The following IMMP2L variants were observed in gnomAD, a reference collection of about 807,000 sequenced individuals.
The protein encoded by IMMP2L is mitochondrial inner membrane protease subunit 2.
A neutral mutation model predicts 19.3 loss-of-function variants in IMMP2L; 18 were observed. That is an observed-to-expected ratio of 0.93 (90% CI 0.64 to 1.38). The LOEUF (loss-of-function observed/expected upper bound fraction) is 1.38. IMMP2L is among the 40% of genes most tolerant of loss of function. The pLI is 0.00. For missense variants in IMMP2L, 233 were observed against 218.2 expected, an observed-to-expected ratio of 1.07 and a Z score of -0.43; for synonymous variants, 76 against 73.0, an observed-to-expected ratio of 1.04 and a Z score of -0.21.
chr7:110,964,322 A>T (rs1362686021), intron 3 of IMMP2L, among the ~76,000 whole-genome samples: 4 of 152,208 alleles, frequency 2.6e-5, no homozygotes, highest in East Asian at 3.9e-4. Context: ...TCAGTTTTTT[A>T]AAATTTCATT....
At position 111,281,198 on chromosome 7, in the gene IMMP2L, GAA is replaced by G. The variant is rs1292083917; in HGVS notation, c.239+206038_239+206039del. Reference sequence around the variant, plus strand: ...AGAAAGAAAGAAAGAAAGAAAGAAAGAAAGAAAGAAAGAAAGAAAAAGAAAGA... The same window carrying G: ...AGAAAGAAAGAAAGAAAGAAAGAAAGAGAAAGAAAGAAAGAAAAAGAAAGA... On this transcript the variant is annotated intron_variant, in intron 3 of 5. Transcript: ENST00000405709. Among the ~76,000 whole-genome samples the G allele has an allele frequency of 2.7e-3, 125 of 45,798 alleles. 1 individual carries two copies. Among genetic ancestry groups the G allele is most frequent in the African/African-American group, 8.3e-3 (105 of 12,690 alleles). 30.0% of individuals were successfully genotyped at this position (45,798 alleles called of 152,430 possible). A position where few individuals can be genotyped will look rare whatever the true frequency, so the allele number is the denominator to read the frequency against.
chr7:111,023,655 C>T (rs1337809441), intron 3 of IMMP2L, among the ~76,000 whole-genome samples: 3 of 152,020 alleles, frequency 2.0e-5, no homozygotes, highest in East Asian at 1.9e-4. Flanking sequence ...TGCAGTGAGC[C>T]GAGATCATGC....
chr7:111,342,569 C>T lies in IMMP2L; in HGVS notation c.239+144669G>A, dbSNP rs1044534124. 6.6e-5 allele frequency among the ~76,000 whole-genome samples: 10 copies of T among 151,694 alleles called. 1 individual carries two copies. The highest frequency in any genetic ancestry group is 2.1e-4 in the South Asian group (1 of 4,822). ...ATCTCAACACTGCACTCCAGTCTGG[C>T]GACAGAGTGAGACTCCATCTCAAAA... is the stretch of plus-strand genomic sequence containing the variant. On this transcript the variant is annotated intron_variant, in intron 3 of 5. Transcript: ENST00000405709.
intron 3 of IMMP2L, among the ~76,000 whole-genome samples, chr7:111,240,685 G>A (rs1464792285): frequency 2.0e-5 from 3 of 151,948 alleles, no homozygotes. Flanking sequence ...TTGCGGTCAA[G>A]TATGTTATAA....
chr7:111,200,152 T>A (rs1586798570), intron 3 of IMMP2L, among the ~76,000 whole-genome samples: 1 of 152,092 alleles, frequency 6.6e-6, no homozygotes, highest in African/African-American at 2.4e-5. Context: ...TACAGCATAT[T>A]AAAATTTCTT....
chr7:111,297,357 T>C (rs1821747050), intron 3 of IMMP2L, among the ~76,000 whole-genome samples: 1 of 152,112 alleles, frequency 6.6e-6, no homozygotes, highest in Admixed American at 6.6e-5. Flanking sequence ...AGCATTATTT[T>C]TGCAACTATG....
At chr7:111,534,685 C>T (rs889139573) in intron 1 of IMMP2L, among the ~76,000 whole-genome samples, 2 of 152,026 alleles carry the variant, frequency 1.3e-5, no homozygotes, top group Admixed American at 6.6e-5. Context: ...AGGAAAATGA[C>T]GTCAGTCTTA....
At position 111,277,159 on chromosome 7, in the gene IMMP2L, T is replaced by A. The variant is rs190564555; in HGVS notation, c.239+210079A>T. On this transcript the variant is annotated intron_variant, in intron 3 of 5. Transcript: ENST00000405709. ...AGCTTCTGCACAACAAAAGGAACAATCAACAGAGTAAACAGACAGTCTATA... is the reference window on the plus strand; with the variant it reads ...AGCTTCTGCACAACAAAAGGAACAAACAACAGAGTAAACAGACAGTCTATA... Among the ~76,000 whole-genome samples the A allele has an allele frequency of 3.8e-3, 572 of 151,660 alleles. 2 individuals are homozygous for A. Among genetic ancestry groups the A allele is most frequent in the Non-Finnish European group, 6.8e-3 (462 of 67,872 alleles).
chr7:111,488,754 CTT>C (rs1203912173), intron 2 of IMMP2L, among the ~76,000 whole-genome samples: 1 of 152,094 alleles, frequency 6.6e-6, no homozygotes, highest in African/African-American at 2.4e-5. Flanking sequence ...GGTTGATCGA[CTT>C]TAGTTATTTA....
intron 1 of IMMP2L, among the ~76,000 whole-genome samples, chr7:111,525,585 T>C (rs1051963284): frequency 9.9e-5 from 15 of 151,904 alleles, no homozygotes; most frequent in South Asian, 2.1e-4. Flanking sequence ...ATAGTGGAGA[T>C]GGATTAAAAT....
Position 111,363,453 on chromosome 7 carries a change from TTCC to T in IMMP2L, c.239+123782_239+123784del, listed in dbSNP as rs1434778888. On this transcript the variant is annotated intron_variant, in intron 3 of 5. Transcript: ENST00000405709. Reference sequence around the variant, plus strand: ...AACATACCTCTTGTAGAAATAATATTTCCTCCTTTTTGATCATAATAAAGTAAC... The same window carrying T: ...AACATACCTCTTGTAGAAATAATATTTCCTTTTTGATCATAATAAAGTAAC... Among the ~76,000 whole-genome samples, 7 of 152,118 alleles carry T rather than the reference TTCC, an allele frequency of 4.6e-5. No homozygotes were observed. In the East Asian group the frequency reaches 9.6e-4, roughly 21 times the overall value.
At chr7:111,026,720 C>T (rs1826865122) in intron 3 of IMMP2L, among the ~76,000 whole-genome samples, 1 of 152,082 alleles carries the variant, frequency 6.6e-6, no homozygotes, top group Non-Finnish European at 1.5e-5. Context: ...TTACAGAAAG[C>T]AACATCTTTT....
chr7:111,539,249 A>AGAAG (rs1848293523), intron 1 of IMMP2L, among the ~76,000 whole-genome samples: 1 of 145,886 alleles, frequency 6.9e-6, no homozygotes. Context: ...AAAGAAAGAA[A>AGAAG]GAAAGAAAGA....
intron 3 of IMMP2L, among the ~76,000 whole-genome samples, chr7:111,398,808 A>G (rs773244563): frequency 6.8e-4 from 104 of 151,856 alleles, no homozygotes; most frequent in Non-Finnish European, 1.2e-3. Flanking sequence ...TACACAAATC[A>G]GTAGTTCTTC....
intron 5 of IMMP2L, among the ~76,000 whole-genome samples, chr7:110,854,949 G>A (rs557632590): frequency 1.4e-4 from 21 of 151,944 alleles, no homozygotes; most frequent in South Asian, 6.2e-4. Flanking sequence ...TTCTAGATCC[G>A]TCTTTCCTTC....
intron 1 of IMMP2L, among the ~76,000 whole-genome samples, chr7:111,545,838 T>C (rs1304123135): frequency 2.6e-5 from 4 of 152,138 alleles, no homozygotes; most frequent in Non-Finnish European, 5.9e-5. Context: ...AAAAGAGGAA[T>C]ACAATGGAAA....
At chr7:110,979,201 T>C (rs1392036885) in intron 3 of IMMP2L, among the ~76,000 whole-genome samples, 3 of 152,158 alleles carry the variant, frequency 2.0e-5, no homozygotes, top group Admixed American at 2.0e-4. Context: ...ATACAGTATA[T>C]GCTAATTTTC....
chr7:111,484,953 A>C (rs1038041806), intron 3 of IMMP2L, among the ~76,000 whole-genome samples: 15 of 151,942 alleles, frequency 9.9e-5, no homozygotes, highest in African/African-American at 3.1e-4. Context: ...AAACCCGGCT[A>C]ATTTTTGTAT....
chr7:110,966,844 C>A (rs114345426), intron 3 of IMMP2L, among the ~76,000 whole-genome samples: 2,439 of 152,060 alleles, frequency 0.016, 65 homozygotes, highest in African/African-American at 0.055. Context: ...CATCATGAAA[C>A]TTATTAAACT....
Sources: allele counts gnomAD v4.1 joint callset (sites outside exome capture counted in the v4.1 genomes callset), GRCh38; gene constraint gnomAD v4.1.1; transcripts MANE v1.5; gene names NCBI Gene and HGNC (gene_info 2026-07-23, HGNC 2026-07-21).